The following SGK1 variants were observed in gnomAD, a reference collection of about 807,000 sequenced individuals.
SGK1 encodes the protein serum/glucocorticoid regulated kinase 1, also known as serine/threonine-protein kinase Sgk1.
SGK1 carries 26 observed loss-of-function variants against 64.2 expected under a neutral mutation model. The ratio of observed to expected loss-of-function variants is 0.40; its 90% CI spans 0.30 to 0.56. SGK1 has a LOEUF of 0.56. Among genes scored for constraint, SGK1 ranks in the 20% least tolerant of loss-of-function variants. The pLI, the probability that SGK1 is intolerant of heterozygous loss-of-function variation, is 0.38. For missense variants in SGK1, 519 were observed against 645.6 expected (o/e 0.80, Z 2.12); for synonymous variants, 265 against 239.7 (o/e 1.11, Z -0.98).
At chr6:134,177,824 A>T in intron 3 of SGK1, 4 of 1,611,700 alleles carry the variant, frequency 2.5e-6, no homozygotes, top group Non-Finnish European at 3.4e-6. Context: ...AGATGACATG[A>T]GAGCACGAGC....
At chr6:134,220,855 G>A (rs370806090) in intron 2 of SGK1, among the ~76,000 whole-genome samples, 5 of 151,642 alleles carry the variant, frequency 3.3e-5, no homozygotes, top group African/African-American at 7.3e-5. Flanking sequence ...GGTGGCCCAC[G>A]CCTGTAGTTT....
chr6:134,170,730 G>C, intron 13 of SGK1, 96 bp downstream of exon 13: 2 of 844,492 alleles, frequency 2.4e-6, no homozygotes, highest in South Asian at 3.4e-5. Context: ...GAAAACATCT[G>C]CCAATGTATT....
chr6:134,204,918 TTC>T (rs1440949188), intron 3 of SGK1, among the ~76,000 whole-genome samples: 2 of 151,812 alleles, frequency 1.3e-5, no homozygotes, highest in Non-Finnish European at 1.5e-5. Flanking sequence ...TTTCTTTCTT[TTC>T]TTTCTTCCTT....
At chr6:134,186,840 G>A (rs911259793) in intron 3 of SGK1, among the ~76,000 whole-genome samples, 2 of 150,468 alleles carry the variant, frequency 1.3e-5, no homozygotes, top group African/African-American at 4.9e-5. Flanking sequence ...TTTTTGAGAC[G>A]CAGTCTCACT....
intron 3 of SGK1, among the ~76,000 whole-genome samples, chr6:134,189,223 T>TGTGTGC (rs550781554): frequency 2.9e-4 from 43 of 149,704 alleles, no homozygotes; most frequent in African/African-American, 1.0e-3. Flanking sequence ...TGTGTGTGTG[T>TGTGTGC]GTGTGCGTGT....
intron 2 of SGK1, among the ~76,000 whole-genome samples, chr6:134,208,164 G>A (rs768024504): frequency 1.7e-4 from 26 of 151,972 alleles, no homozygotes; most frequent in Non-Finnish European, 3.1e-4. Context: ...CGCCCACCTC[G>A]GCCTCTCAAA....
At chr6:134,224,326 C>T (rs9493864) in intron 2 of SGK1, among the ~76,000 whole-genome samples, 1,922 of 152,178 alleles carry the variant, frequency 0.013, 51 homozygotes, top group African/African-American at 0.044. Context: ...GGGAGAATGT[C>T]CAGGGAATGA....
At chr6:134,203,655 C>T (rs1240741269) in intron 3 of SGK1, among the ~76,000 whole-genome samples, 1 of 152,128 alleles carries the variant, frequency 6.6e-6, no homozygotes, top group Non-Finnish European at 1.5e-5. Context: ...GAAGATTGGA[C>T]TGGCTGTATC....
intron 1 of SGK1, among the ~76,000 whole-genome samples, chr6:134,311,424 C>T (rs1490162416): frequency 1.3e-5 from 2 of 152,018 alleles, no homozygotes; most frequent in African/African-American, 2.4e-5. Flanking sequence ...TTGTGGATCA[C>T]CTGAGGTCAG....
intron 2 of SGK1, among the ~76,000 whole-genome samples, chr6:134,227,095 G>A (rs1333532255): frequency 6.6e-6 from 1 of 152,098 alleles, no homozygotes; most frequent in Non-Finnish European, 1.5e-5. Flanking sequence ...AGCCTCCATG[G>A]CTGGTCCCTG....
At chr6:134,286,127 C>T (rs895168945) in intron 1 of SGK1, among the ~76,000 whole-genome samples, 2 of 152,242 alleles carry the variant, frequency 1.3e-5, no homozygotes, top group Non-Finnish European at 2.9e-5. Context: ...ATATTTTAAT[C>T]TATTTATATA....
At chr6:134,286,746 C>T (rs948195042) in intron 1 of SGK1, among the ~76,000 whole-genome samples, 3 of 151,982 alleles carry the variant, frequency 2.0e-5, no homozygotes, top group South Asian at 2.1e-4. Flanking sequence ...AGATTACAGG[C>T]GTGAGCCACT....
At chr6:134,286,195 T>G (rs1160270210) in intron 1 of SGK1, among the ~76,000 whole-genome samples, 3 of 152,204 alleles carry the variant, frequency 2.0e-5, no homozygotes, top group Admixed American at 2.0e-4. Flanking sequence ...GAAGTTATAT[T>G]AAAGTAGAAT....
intron 3 of SGK1, chr6:134,175,029 A>G (rs951481075): frequency 4.9e-6 from 4 of 819,812 alleles, no homozygotes; most frequent in Admixed American, 3.9e-5. Flanking sequence ...TTCTGTCCCC[A>G]TTGAGAGGGC....
chr6:134,198,724 C>CTTTTTTTTTTTTTTTT (rs1459010325), intron 3 of SGK1, among the ~76,000 whole-genome samples: 4 of 65,944 alleles, frequency 6.1e-5, no homozygotes, highest in Non-Finnish European at 7.0e-5. Context: ...TTCTCTTTTT[C>CTTTTTTTTTTTTTTTT]TATTTTTTTT....
At chr6:134,314,586 T>G (rs1777650688) in intron 1 of SGK1, among the ~76,000 whole-genome samples, 1 of 152,216 alleles carries the variant, frequency 6.6e-6, no homozygotes, top group African/African-American at 2.4e-5. Context: ...GAATATTAAA[T>G]GAGCTAATAC....
At chr6:134,245,971 C>T (rs553948028) in intron 2 of SGK1, among the ~76,000 whole-genome samples, 2 of 152,288 alleles carry the variant, frequency 1.3e-5, no homozygotes. Context: ...TCTCTACTTC[C>T]TTTTTTACTT....
At chr6:134,307,200 A>G (rs1777547732) in intron 1 of SGK1, among the ~76,000 whole-genome samples, 1 of 152,240 alleles carries the variant, frequency 6.6e-6, no homozygotes, top group African/African-American at 2.4e-5. Flanking sequence ...CAATGGCTTC[A>G]CCAACTTATT....
chr6:134,198,726 A>ATTTTTTTTTTTTTTTTTTTT (rs1178699258), intron 3 of SGK1, among the ~76,000 whole-genome samples: 1 of 101,780 alleles, frequency 9.8e-6, no homozygotes, highest in Non-Finnish European at 1.9e-5. Context: ...CTCTTTTTCT[A>ATTTTTTTTTTTTTTTTTTTT]TTTTTTTTTT....
Sources: gnomAD v4.1 joint callset for allele counts (sites outside exome capture counted in the v4.1 genomes callset) on GRCh38, gnomAD v4.1.1 for gene constraint, MANE v1.5 for transcripts, NCBI Gene and HGNC (gene_info 2026-07-23, HGNC 2026-07-21) for gene names.